SDK2: variants seen among roughly 807,000 people sequenced by gnomAD.
SDK2 encodes sidekick cell adhesion molecule 2.
SDK2 carries 105 observed loss-of-function variants against 253.9 expected under a neutral mutation model. That is an observed-to-expected ratio of 0.41 (90% CI 0.35 to 0.49). The LOEUF (loss-of-function observed/expected upper bound fraction) is 0.49. Among genes scored for constraint, SDK2 ranks in the 20% least tolerant of loss-of-function variants. SDK2 has a pLI of 0.06. For missense variants in SDK2, 2,608 were observed against 3,003.0 expected, an observed-to-expected ratio of 0.87 and a Z score of 3.07; for synonymous variants, 1,249 against 1,234.9, an observed-to-expected ratio of 1.01 and a Z score of -0.24.
At chr17:73,401,345 G>A (rs553543504) in intron 20 of SDK2, 134 bp from the exon 21 acceptor site, 20 of 856,206 alleles carry the variant, frequency 2.3e-5, no homozygotes, top group South Asian at 5.3e-5. Flanking sequence ...AGGGAGGTGG[G>A]AGCTGTTGGC....
intron 12 of SDK2, among the ~76,000 whole-genome samples, chr17:73,429,421 T>C (rs1214094747): frequency 6.6e-6 from 1 of 152,230 alleles, no homozygotes; most frequent in Admixed American, 6.5e-5. Flanking sequence ...CTTCATGAGG[T>C]GTTTCTCAAA....
At chr17:73,641,755 ACCC>A (rs545096486) in intron 1 of SDK2, among the ~76,000 whole-genome samples, 1 of 151,888 alleles carries the variant, frequency 6.6e-6, no homozygotes, top group Non-Finnish European at 1.5e-5. Context: ...GGCTTCAGCT[ACCC>A]CCCAAAGGAT....
rs146022350 is a variant in SDK2 at position 73,558,341 on chromosome 17, C to T, written c.65-50744G>A. Among the ~76,000 whole-genome samples the T allele has an allele frequency of 4.3e-3, 649 of 151,620 alleles. 5 individuals are homozygous for T. Among genetic ancestry groups the T allele is most frequent in the African/African-American group, 0.015 (625 of 41,316 alleles). Reference sequence around the variant, plus strand: ...CCTTCCAGAATTTCTCCATTAATGACAACGACCATGCCCAGGTAGAGATGG... The same window carrying T: ...CCTTCCAGAATTTCTCCATTAATGATAACGACCATGCCCAGGTAGAGATGG... On this transcript the variant is annotated intron_variant, in intron 1 of 44. Coordinates refer to ENST00000392650, the MANE Select transcript of SDK2 (RefSeq NM_001144952.2).
At chr17:73,404,335 A>G (rs2063053714) in intron 18 of SDK2, among the ~76,000 whole-genome samples, 1 of 152,186 alleles carries the variant, frequency 6.6e-6, no homozygotes, top group African/African-American at 2.4e-5. Context: ...CCTCAGGTCC[A>G]GGGAGAGAGA....
At chr17:73,385,517 C>T (rs751474925) in intron 32 of SDK2, among the ~76,000 whole-genome samples, 3 of 152,130 alleles carry the variant, frequency 2.0e-5, no homozygotes, top group Non-Finnish European at 2.9e-5. Flanking sequence ...TACACCTGGC[C>T]CTGCCACTCA....
Position 73,606,381 on chromosome 17 carries a change from G to A in SDK2, c.64+37644C>T, listed in dbSNP as rs529831236. 7.9e-5 allele frequency among the ~76,000 whole-genome samples: 12 copies of A among 152,246 alleles called. No homozygotes were observed. In the South Asian group the frequency reaches 8.3e-4, roughly 11 times the overall value. On this transcript the variant is annotated intron_variant, in intron 1 of 44. Transcript: ENST00000392650. ...GGTCTGCTGAGCCCCTCCTCTGAGGGGGGGCAGGGCAGGTGCTTATGGGTG... is the reference window on the plus strand; with the variant it reads ...GGTCTGCTGAGCCCCTCCTCTGAGGAGGGGCAGGGCAGGTGCTTATGGGTG...
intron 2 of SDK2, among the ~76,000 whole-genome samples, chr17:73,485,303 A>G (rs149186636): frequency 1.4e-3 from 207 of 152,152 alleles, no homozygotes; most frequent in African/African-American, 4.4e-3. Context: ...GAAAAGGAGG[A>G]GGTGCTGTCC....
At chr17:73,552,098 C>T (rs116234193) in intron 1 of SDK2, among the ~76,000 whole-genome samples, 2 of 152,148 alleles carry the variant, frequency 1.3e-5, no homozygotes, top group South Asian at 4.1e-4. Context: ...GCCTGTCCCC[C>T]CTGTCTGGGG....
intron 44 of SDK2, among the ~76,000 whole-genome samples, chr17:73,343,303 G>T (rs2062455314): frequency 6.6e-6 from 1 of 152,244 alleles, no homozygotes; most frequent in Non-Finnish European, 1.5e-5. Context: ...GCGAGAGTCT[G>T]GTCTGCCTCT....
chr17:73,401,574 C>G, intron 20 of SDK2, 80 bp downstream of exon 20: 2 of 1,322,990 alleles, frequency 1.5e-6, no homozygotes, highest in South Asian at 2.5e-5. Flanking sequence ...TGAAAAGTAG[C>G]TCAAAGGCAG....
intron 1 of SDK2, among the ~76,000 whole-genome samples, chr17:73,603,683 C>T (rs199912319): frequency 1.3e-5 from 2 of 152,360 alleles, no homozygotes; most frequent in East Asian, 1.9e-4. Context: ...CTTAAAGCTA[C>T]GCTACTAGAG....
At chr17:73,625,229 G>A (rs1016600390) in intron 1 of SDK2, among the ~76,000 whole-genome samples, 5 of 152,166 alleles carry the variant, frequency 3.3e-5, no homozygotes, top group African/African-American at 7.2e-5. Context: ...GGCGCGAGGC[G>A]GAATTCCACA....
chr17:73,576,916 G>A (rs1024514045), intron 1 of SDK2, among the ~76,000 whole-genome samples: 2 of 152,122 alleles, frequency 1.3e-5, no homozygotes, highest in Non-Finnish European at 2.9e-5. Flanking sequence ...GATTACCAAG[G>A]CCCCCAGGAT....
rs552931027 is a variant in SDK2, at chr17:73,447,121, G to A, written c.613+494C>T. On this transcript the variant is annotated intron_variant, in intron 5 of 44. Transcript: ENST00000392650. The surrounding 1 kb of genome is among the most constrained non-coding windows in gnomAD (Gnocchi z 4.0). ...TGTTTTAGGTGGGTGCCTGGGCAGA[G>A]GGCCTGTCTTCCCATCAGCAGGGAC... Among the ~76,000 whole-genome samples the A allele has an allele frequency of 4.6e-5, 7 of 152,270 alleles. No individual in the cohort carries two copies. Among genetic ancestry groups the A allele is most frequent in the Non-Finnish European group, 8.8e-5 (6 of 68,010 alleles).
chr17:73,385,842 C>CA lies in SDK2; in HGVS notation c.4569+4dup. The CA allele has an allele frequency of 3.7e-6, 6 of 1,603,688 alleles. No individual in the cohort carries two copies. Among genetic ancestry groups the CA allele is most frequent in the Non-Finnish European group, 5.1e-6 (6 of 1,175,872 alleles). On this transcript the variant is annotated splice_donor_region_variant and intron_variant, in intron 32 of 44. Coordinates refer to ENST00000392650, the MANE Select transcript of SDK2 (RefSeq NM_001144952.2). ...CACGGAGGTTTCCTGCCCGCTGGGCCATACCTGCCATCGGATTAGCACGGA... is the reference window on the plus strand; with the variant it reads ...CACGGAGGTTTCCTGCCCGCTGGGCCAATACCTGCCATCGGATTAGCACGGA...
chr17:73,419,465 A>G (rs2063210182), intron 15 of SDK2, among the ~76,000 whole-genome samples, 159 bp from the exon 16 acceptor site: 1 of 152,160 alleles, frequency 6.6e-6, no homozygotes. Flanking sequence ...AGCTTGTTCT[A>G]TAAAAGAATT....
chr17:73,559,108 A>G (rs1008072963), intron 1 of SDK2, among the ~76,000 whole-genome samples: 11 of 152,152 alleles, frequency 7.2e-5, no homozygotes, highest in African/African-American at 2.7e-4. Flanking sequence ...AAACCTAAAT[A>G]CTGATTTCAA....
chr17:73,380,893 C>A lies in SDK2; in HGVS notation c.4762+1G>T. 2.7e-6 allele frequency: 4 copies of A among 1,499,134 alleles called. No individual in the cohort carries two copies. Among genetic ancestry groups the A allele is most frequent in the Non-Finnish European group, 3.6e-6 (4 of 1,113,376 alleles). 92.9% of individuals were successfully genotyped at this position (1,499,134 alleles called of 1,614,324 possible). On this transcript the variant is annotated splice_donor_variant, in intron 34 of 44. Transcript: ENST00000392650. LOFTEE classifies it high-confidence loss of function. ...TGAAGCCACCATGCAAGGAGACTTA[C>A]TGTCCAGCTCGTACTGCGTGAGGCT...
rs771401901 is a variant in SDK2, at chr17:73,338,688, G to A, written c.6418C>T (p.Pro2140Ser). The change falls in exon 45 of 45, where the codon CCC becomes TCC. Residue 2140 changes from proline (P) to serine (S), a missense_variant. Pro to Ser is a moderately conservative substitution (Grantham distance 74, BLOSUM62 -1). Coordinates refer to ENST00000392650, the MANE Select transcript of SDK2 (RefSeq NM_001144952.2). The surrounding 1 kb of genome is among the most constrained non-coding windows in gnomAD (Gnocchi z 5.0). ...KASRTPTPQN[P>S]PNPPSQQSTL... ...CTCTGCTGACTTGGGGGGTTAGGGG[G>A]GTTCTGGGGCGTTGGAGTCCGACTG... is the stretch of plus-strand genomic sequence containing the variant. 8 of 1,601,408 alleles carry A rather than the reference G, an allele frequency of 5.0e-6. No homozygotes were observed. The highest frequency in any genetic ancestry group is 6.0e-6 in the Non-Finnish European group (7 of 1,173,480).
Sources: allele counts gnomAD v4.1 joint callset (sites outside exome capture counted in the v4.1 genomes callset), GRCh38; gene constraint gnomAD v4.1.1; non-coding constraint Gnocchi (gnomAD v3.1); transcripts MANE v1.5; gene names NCBI Gene and HGNC (gene_info 2026-07-23, HGNC 2026-07-21).